Variants in A1CF observed in about 807,000 individuals in gnomAD.
A1CF encodes APOBEC1 complementation factor.
Under a neutral mutation model 68.9 loss-of-function variants are expected in A1CF, and 48 were observed. That is an observed-to-expected ratio of 0.70 (90% confidence interval 0.55 to 0.89). The LOEUF is 0.89. A1CF is among the 40% of genes least tolerant of loss of function. A1CF has a pLI of 0.00. For missense variants in A1CF, 653 were observed against 718.9 expected (o/e 0.91, Z 1.05); for synonymous variants, 272 against 260.4 (o/e 1.04, Z -0.43).
At chr10:50,828,385 G>A in intron 6 of A1CF, 90 bp from the exon 7 acceptor site, 1 of 1,059,384 alleles carries the variant, frequency 9.4e-7, no homozygotes, top group Non-Finnish European at 1.3e-6. Context: ...AAATTGACCT[G>A]ACCCTTGAGG....
intron 6 of A1CF, among the ~76,000 whole-genome samples, chr10:50,828,997 G>T (rs1482257666): frequency 6.6e-6 from 1 of 152,194 alleles, no homozygotes; most frequent in Non-Finnish European, 1.5e-5. Context: ...CTTCTGTAAA[G>T]GGTAGTTGTT....
chr10:50,844,014 C>A lies in A1CF; in HGVS notation c.208G>T (p.Asp70Tyr), dbSNP rs763063211. ...TTTTCACATAATGGTATAAGCTCAT[C>A]CTCAAAAAGGTCTCGGGGAAGTTTT... ...IGKLPRDLFE[D>Y]ELIPLCEKIG... The change falls in exon 4 of 13, where the codon GAT becomes TAT. Residue 70 changes from aspartate (D) to tyrosine (Y), a missense_variant. Physicochemically the swap from Asp to Tyr is radical, Grantham distance 160. Transcript: ENST00000373997. 1.2e-6 allele frequency: 2 copies of A among 1,613,506 alleles called. No homozygotes were observed. Among genetic ancestry groups the A allele is most frequent in the African/African-American group, 2.7e-5 (2 of 74,848 alleles).
At chr10:50,837,537 T>C (rs1396429872) in intron 5 of A1CF, among the ~76,000 whole-genome samples, 1 of 152,196 alleles carries the variant, frequency 6.6e-6, no homozygotes, top group African/African-American at 2.4e-5. Context: ...AAATTGGAAA[T>C]GAGCAAAATA....
chr10:50,844,162 A>G, intron 3 of A1CF, 40 bp from the exon 4 acceptor site: 1 of 1,591,016 alleles, frequency 6.3e-7, no homozygotes, highest in Non-Finnish European at 8.5e-7. Flanking sequence ...GGAGAAAATG[A>G]TCAAGACTTT....
At position 50,828,088 on chromosome 10, in the gene A1CF, A is replaced by G. The variant is rs756614487; in HGVS notation, c.769+43T>C. 9 of 1,449,240 alleles carry G rather than the reference A, an allele frequency of 6.2e-6. No individual in the cohort carries two copies. The South Asian group carries it at 1.0e-4, about 17-fold the overall frequency. The allele number at this position is 1,449,240 out of a possible 1,614,324, so 89.8% of individuals were successfully genotyped here. A position where few individuals can be genotyped will look rare whatever the true frequency, so the allele number is the denominator to read the frequency against. The stretch of plus-strand genomic sequence containing the variant: ...TACACCCTCCCAAGACTAAACCAGG[A>G]CAAAGAATGTTTTGAAAAACTAATC... On this transcript the variant is annotated intron_variant, in intron 7 of 12. Coordinates refer to ENST00000373997, the MANE Select transcript of A1CF (RefSeq NM_014576.4).
At chr10:50,882,646 CTT>C (rs1564540763) in intron 1 of A1CF, among the ~76,000 whole-genome samples, 1 of 152,096 alleles carries the variant, frequency 6.6e-6, no homozygotes, top group African/African-American at 2.4e-5. Context: ...TTTCCAGATG[CTT>C]TTCCTGGGGG....
At chr10:50,842,418 T>C (rs1033462070) in intron 4 of A1CF, among the ~76,000 whole-genome samples, 2 of 152,132 alleles carry the variant, frequency 1.3e-5, no homozygotes, top group African/African-American at 4.8e-5. Context: ...TGAAACCAGT[T>C]TGGGCAAGAT....
intron 6 of A1CF, 27 bp downstream of exon 6, chr10:50,836,047 C>G (rs1465146778): frequency 6.4e-7 from 1 of 1,555,246 alleles, no homozygotes; most frequent in Non-Finnish European, 8.7e-7. Context: ...GCAGAGAAGT[C>G]TCATCTTTGA....
chr10:50,810,956 T>A, intron 11 of A1CF, 84 bp downstream of exon 11: 1 of 1,412,004 alleles, frequency 7.1e-7, no homozygotes, highest in Admixed American at 2.2e-5. Flanking sequence ...GACCTCAGTA[T>A]CTTGTTTAGA....
intron 5 of A1CF, among the ~76,000 whole-genome samples, chr10:50,838,411 C>T (rs1243978005): frequency 6.6e-6 from 1 of 152,064 alleles, no homozygotes. Context: ...AACACCAAAA[C>T]CTTGTTTTCC....
chr10:50,862,584 T>C (rs1162707264), intron 2 of A1CF, among the ~76,000 whole-genome samples: 1 of 152,188 alleles, frequency 6.6e-6, no homozygotes, highest in African/African-American at 2.4e-5. Flanking sequence ...TAGTTAATGC[T>C]CTCTGTTTGC....
At chr10:50,845,532 A>T (rs1308763227) in intron 3 of A1CF, among the ~76,000 whole-genome samples, 4 of 152,230 alleles carry the variant, frequency 2.6e-5, no homozygotes, top group African/African-American at 9.6e-5. Context: ...TGCCAAGGTC[A>T]CATGGTTGGG....
Position 50,814,344 on chromosome 10 carries a change from A to G in A1CF, c.1142-306T>C, listed in dbSNP as rs117045163. 6.1e-3 allele frequency among the ~76,000 whole-genome samples: 934 copies of G among 152,336 alleles called. 49 individuals are homozygous for G. In the East Asian group the frequency reaches 0.13, roughly 20 times the overall value. On this transcript the variant is annotated intron_variant, in intron 9 of 12. Transcript: ENST00000373997. ...AAAAATTTTGGGATAGAAAATTTGCAATTTTTGTCTTTAGGTAACCTTGAT... is the reference window on the plus strand; with the variant it reads ...AAAAATTTTGGGATAGAAAATTTGCGATTTTTGTCTTTAGGTAACCTTGAT...
intron 1 of A1CF, among the ~76,000 whole-genome samples, chr10:50,878,374 G>A (rs999052176): frequency 2.6e-5 from 4 of 152,134 alleles, no homozygotes; most frequent in Non-Finnish European, 5.9e-5. Flanking sequence ...ACACTTGCTT[G>A]GTATTATTCT....
chr10:50,816,830 T>C (rs61637024), intron 8 of A1CF, among the ~76,000 whole-genome samples: 5,343 of 152,258 alleles, frequency 0.035, 276 homozygotes, highest in African/African-American at 0.12. Context: ...AAGTTTTCAC[T>C]GGAGAAGAGA....
At chr10:50,831,702 T>G (rs1482938515) in intron 6 of A1CF, among the ~76,000 whole-genome samples, 1 of 152,172 alleles carries the variant, frequency 6.6e-6, no homozygotes, top group East Asian at 1.9e-4. Context: ...CACTCTAGCC[T>G]GGGCAATAAG....
At chr10:50,840,276 A>AT (rs202161491) in intron 5 of A1CF, among the ~76,000 whole-genome samples, 61,194 of 147,526 alleles carry the variant, frequency 0.41, 13,102 homozygotes, top group Middle Eastern at 0.56. Flanking sequence ...CTAAAATACA[A>AT]TTTTTTTTTT....
intron 11 of A1CF, among the ~76,000 whole-genome samples, chr10:50,810,687 T>A (rs1838064888): frequency 2.6e-5 from 4 of 152,214 alleles, no homozygotes; most frequent in Admixed American, 2.6e-4. Flanking sequence ...AATTTTTGTA[T>A]TTTTAGTAGA....
rs1426720480 is a variant in A1CF at position 50,804,743 on chromosome 10, A to T, written c.*1986T>A. 1 of 152,140 alleles carries T rather than the reference A, an allele frequency of 6.6e-6. No individual in the cohort carries two copies. The highest frequency in any genetic ancestry group is 1.5e-5 in the Non-Finnish European group (1 of 68,008). 9.4% of individuals were successfully genotyped at this position (152,140 alleles called of 1,614,324 possible). A position where few individuals can be genotyped will look rare whatever the true frequency, so the allele number is the denominator to read the frequency against. On this transcript the variant is annotated 3_prime_UTR_variant, in exon 13 of 13. Transcript: ENST00000373997. Reference sequence around the variant, plus strand: ...TTAACTTAGATGATTTTTTAATTGCATTTTTCTATTTACTAAAAGTGAAAT... The same window carrying T: ...TTAACTTAGATGATTTTTTAATTGCTTTTTTCTATTTACTAAAAGTGAAAT...
Sources: gnomAD v4.1 joint callset for allele counts (sites outside exome capture counted in the v4.1 genomes callset) on GRCh38, gnomAD v4.1.1 for gene constraint, MANE v1.5 for transcripts, NCBI Gene and HGNC (gene_info 2026-07-23, HGNC 2026-07-21) for gene names.